NRG3: variants seen among roughly 807,000 people sequenced by gnomAD.
The protein encoded by NRG3 is pro-neuregulin-3, membrane-bound isoform.
Under a neutral mutation model 66.9 loss-of-function variants are expected in NRG3, and 31 were observed. The observed-to-expected ratio is 0.46, with a 90% CI of 0.35 to 0.63. The LOEUF (loss-of-function observed/expected upper bound fraction) is 0.63, where lower values mean the gene tolerates loss of function less well. Ranked by LOEUF, NRG3 falls within the 20% of genes least tolerant of loss-of-function variation. The probability of loss-of-function intolerance (pLI) is 0.00; values close to 1 mark genes in which losing one functional copy is unlikely to be tolerated. For synonymous variants in NRG3, 393 were observed against 359.4 expected (o/e 1.09, Z -1.06); for missense variants, 910 against 878.9 (o/e 1.04, Z -0.45).
rs556355001 is a variant in NRG3, at chr10:82,065,575, T to A, written c.823+189412T>A. Among the ~76,000 whole-genome samples the A allele has an allele frequency of 2.7e-3, 413 of 152,130 alleles. 3 individuals are homozygous for A. The highest frequency in any genetic ancestry group is 9.6e-3 in the African/African-American group (400 of 41,498). ...GCACATAGTACATGTTAAAAAAAAA[T>A]TTGCTGAATTACTGACAGAAGGGGG... On this transcript the variant is annotated intron_variant, in intron 1 of 8. Coordinates refer to ENST00000372141, the MANE Select transcript of NRG3 (RefSeq NM_001010848.4).
intron 4 of NRG3, among the ~76,000 whole-genome samples, chr10:82,937,353 A>C (rs949464893): frequency 6.6e-5 from 10 of 152,224 alleles, no homozygotes; most frequent in Admixed American, 5.9e-4. Context: ...CACATTTCAC[A>C]TCAAAAACTG....
chr10:82,494,480 AAT>A (rs1491090088), intron 2 of NRG3, among the ~76,000 whole-genome samples: 4 of 151,654 alleles, frequency 2.6e-5, no homozygotes, highest in Non-Finnish European at 4.4e-5. Flanking sequence ...TGTAAGTGCG[AAT>A]GTGTGTGTGT....
At position 82,974,000 on chromosome 10, in the gene NRG3, C is replaced by G. The variant is rs899845312; in HGVS notation, c.1412+85C>G. On this transcript the variant is annotated intron_variant, in intron 7 of 8. Coordinates refer to ENST00000372141, the MANE Select transcript of NRG3 (RefSeq NM_001010848.4). ...CACATGCCAAGGACTGGCAGCATGA[C>G]TTAGGAGAGACAACTGTTCTTGCTT... 1.2e-5 allele frequency: 18 copies of G among 1,476,606 alleles called. No individual in the cohort carries two copies. In the Admixed American group the frequency reaches 3.2e-4, roughly 26 times the overall value. 91.5% of individuals were successfully genotyped at this position (1,476,606 alleles called of 1,614,324 possible). A position where few individuals can be genotyped will look rare whatever the true frequency, so the allele number is the denominator to read the frequency against.
chr10:82,100,864 GA>G (rs56381701), intron 1 of NRG3, among the ~76,000 whole-genome samples: 66,998 of 151,752 alleles, frequency 0.44, 15,710 homozygotes, highest in Non-Finnish European at 0.54. Context: ...TTATTAGGAA[GA>G]TTTTTTTTGG....
At chr10:82,424,439 AT>A (rs1174823263) in intron 2 of NRG3, among the ~76,000 whole-genome samples, 1 of 151,996 alleles carries the variant, frequency 6.6e-6, no homozygotes, top group African/African-American at 2.4e-5. Context: ...CCATTTATGC[AT>A]TTTTGGAGTA....
chr10:82,965,176 A>G (rs1293272118), intron 6 of NRG3, among the ~76,000 whole-genome samples: 1 of 152,200 alleles, frequency 6.6e-6, no homozygotes, highest in African/African-American at 2.4e-5. Flanking sequence ...GCATCTCCTT[A>G]TTCACTGCTA....
chr10:82,674,933 A>ATT (rs1227688071), intron 2 of NRG3, among the ~76,000 whole-genome samples: 66 of 136,222 alleles, frequency 4.8e-4, no homozygotes, highest in African/African-American at 1.8e-3. Flanking sequence ...AGGGGGTTTT[A>ATT]TTTATATTTA....
intron 1 of NRG3, among the ~76,000 whole-genome samples, chr10:82,315,463 T>C (rs764550418): frequency 2.0e-5 from 3 of 152,280 alleles, no homozygotes; most frequent in East Asian, 1.9e-4. Flanking sequence ...TAAAACGACA[T>C]GATCTTCTTG....
At chr10:82,917,950 TTGTG>T (rs375123841) in intron 4 of NRG3, among the ~76,000 whole-genome samples, 1,795 of 121,162 alleles carry the variant, frequency 0.015, 42 homozygotes, top group African/African-American at 0.032. Flanking sequence ...GTATGTGGGA[TTGTG>T]TGTGTGTGTG....
intron 3 of NRG3, among the ~76,000 whole-genome samples, chr10:82,781,759 A>T (rs1452969468): frequency 6.6e-6 from 1 of 152,094 alleles, no homozygotes; most frequent in East Asian, 1.9e-4. Context: ...GGGTCAGGGA[A>T]GGCATCTTCT....
chr10:82,496,792 GT>G (rs1843672404), intron 2 of NRG3, among the ~76,000 whole-genome samples: 1 of 151,942 alleles, frequency 6.6e-6, no homozygotes, highest in African/African-American at 2.4e-5. Flanking sequence ...TATCTAATCA[GT>G]TTCTTTATTT....
At chr10:82,677,844 G>C (rs967716838) in intron 2 of NRG3, among the ~76,000 whole-genome samples, 7 of 152,150 alleles carry the variant, frequency 4.6e-5, no homozygotes, top group African/African-American at 1.4e-4. Flanking sequence ...ACTGTTTGAC[G>C]TTTGTCTTGG....
chr10:82,387,613 A>G (rs898070301), intron 2 of NRG3, among the ~76,000 whole-genome samples: 1 of 152,210 alleles, frequency 6.6e-6, no homozygotes, highest in Non-Finnish European at 1.5e-5. Context: ...TTAGCATGCA[A>G]ATTAGCTGTT....
chr10:82,628,488 C>G (rs995727234), intron 2 of NRG3, among the ~76,000 whole-genome samples: 1 of 152,104 alleles, frequency 6.6e-6, no homozygotes, highest in Non-Finnish European at 1.5e-5. Flanking sequence ...AATTTAGAAA[C>G]AGGTGGCCAC....
rs879445041 is a variant in NRG3 at position 82,758,887 on chromosome 10, TA to T, written c.1027+20251del. Among the ~76,000 whole-genome samples, 1,127 of 139,978 alleles carry T rather than the reference TA, an allele frequency of 8.1e-3. 6 individuals carry two copies. The highest frequency in any genetic ancestry group is 0.011 in the Middle Eastern group (3 of 264). 91.8% of individuals were successfully genotyped at this position (139,978 alleles called of 152,430 possible). On this transcript the variant is annotated intron_variant, in intron 3 of 8. Coordinates refer to ENST00000372141, the MANE Select transcript of NRG3 (RefSeq NM_001010848.4). ...CTGGCTCATTACATTCAGTGAATGT[TA>T]AAAAAAAAAAAAAGTCCTCTGTGGT...
At chr10:82,153,307 T>C (rs556245830) in intron 1 of NRG3, among the ~76,000 whole-genome samples, 2 of 152,220 alleles carry the variant, frequency 1.3e-5, no homozygotes, top group African/African-American at 2.4e-5. Flanking sequence ...ACAGTATTTG[T>C]CTCTGTACTT....
At chr10:82,427,227 A>T (rs1053186745) in intron 2 of NRG3, among the ~76,000 whole-genome samples, 2 of 152,214 alleles carry the variant, frequency 1.3e-5, no homozygotes, top group African/African-American at 4.8e-5. Context: ...AATGTTGAAT[A>T]TAAGAAGCAA....
chr10:82,761,481 G>A (rs1377687736), intron 3 of NRG3, among the ~76,000 whole-genome samples: 1 of 152,036 alleles, frequency 6.6e-6, no homozygotes, highest in African/African-American at 2.4e-5. Flanking sequence ...TGGAATCAAA[G>A]CTGCAATAAC....
chr10:82,080,786 C>T (rs1884361), intron 1 of NRG3, among the ~76,000 whole-genome samples: 116,822 of 152,056 alleles, frequency 0.77, 44,956 homozygotes, highest in Non-Finnish European at 0.8. Context: ...TAACCATTCA[C>T]GAGAGGCATT....
Sources: allele counts gnomAD v4.1 joint callset (sites outside exome capture counted in the v4.1 genomes callset), GRCh38; gene constraint gnomAD v4.1.1; transcripts MANE v1.5; gene names NCBI Gene and HGNC (gene_info 2026-07-23, HGNC 2026-07-21).